The following NRXN3 variants were observed in gnomAD, a reference collection of about 807,000 sequenced individuals.
NRXN3 encodes the protein neurexin 3, also known as neurexin III.
A neutral mutation model predicts 137.6 loss-of-function variants in NRXN3; 32 were observed. The observed-to-expected ratio is 0.23, with a 90% CI of 0.18 to 0.31. NRXN3 has a LOEUF of 0.31. Ranked by LOEUF, NRXN3 falls within the 10% of genes least tolerant of loss-of-function variation. The pLI, the probability that NRXN3 is intolerant of heterozygous loss-of-function variation, is 1.00. For missense variants in NRXN3, 1,574 were observed against 2,062.5 expected, an observed-to-expected ratio of 0.76 and a Z score of 4.59; for synonymous variants, 798 against 784.5, an observed-to-expected ratio of 1.02 and a Z score of -0.29.
chr14:78,957,532 A>G (rs1424668085), intron 11 of NRXN3, among the ~76,000 whole-genome samples, 171 bp downstream of exon 11: 2 of 152,206 alleles, frequency 1.3e-5, no homozygotes, highest in Admixed American at 1.3e-4. Context: ...TGTATTTTAC[A>G]ATACCTTTTC....
In NRXN3 at chr14:79,795,093, C is replaced by T. The variant is rs1425957209; in HGVS notation, c.4015-10019C>T. ...ATTACACCTGCTACATTTCCAACAC[C>T]CATTTTGACAGCAAATGAGTGTTGC... On this transcript the variant is annotated intron_variant, in intron 19 of 20. Coordinates refer to ENST00000335750, the MANE Select transcript of NRXN3 (RefSeq NM_001330195.2). Among the ~76,000 whole-genome samples, 4 of 152,250 alleles carry T rather than the reference C, an allele frequency of 2.6e-5. No homozygotes were observed. The East Asian group carries it at 7.7e-4, about 29-fold the overall frequency.
chr14:79,393,953 A>C (rs2094937091), intron 15 of NRXN3, among the ~76,000 whole-genome samples: 1 of 152,244 alleles, frequency 6.6e-6, no homozygotes, highest in Non-Finnish European at 1.5e-5. Flanking sequence ...ATTTTTGTTT[A>C]ATTATCACTA....
intron 4 of NRXN3, among the ~76,000 whole-genome samples, chr14:78,440,726 TG>T (rs904229155): frequency 5.3e-5 from 8 of 151,484 alleles, no homozygotes; most frequent in African/African-American, 1.9e-4. Flanking sequence ...AGCTGTGCTA[TG>T]GGGGAGGAGA....
At chr14:78,548,269 A>G (rs986097874) in intron 4 of NRXN3, among the ~76,000 whole-genome samples, 11 of 151,892 alleles carry the variant, frequency 7.2e-5, no homozygotes, top group African/African-American at 2.4e-4. Context: ...GGATATAAGT[A>G]TATAATATCA....
At chr14:79,078,651 T>C (rs1292895560) in intron 15 of NRXN3, among the ~76,000 whole-genome samples, 2 of 152,188 alleles carry the variant, frequency 1.3e-5, no homozygotes, top group African/African-American at 4.8e-5. Context: ...TTAATGTTTG[T>C]CCCTGCCATG....
At chr14:79,379,668 C>T (rs1488022175) in intron 15 of NRXN3, among the ~76,000 whole-genome samples, 1 of 152,076 alleles carries the variant, frequency 6.6e-6, no homozygotes, top group Non-Finnish European at 1.5e-5. Flanking sequence ...TCACCATTAA[C>T]CATTTTCTTT....
At position 78,973,307 on chromosome 14, in the gene NRXN3, A is replaced by G. The variant is rs77690832; in HGVS notation, c.3142+4961A>G. On this transcript the variant is annotated intron_variant, in intron 14 of 20. Coordinates refer to ENST00000335750, the MANE Select transcript of NRXN3 (RefSeq NM_001330195.2). ...AAAAAAGAACTTGGAAGGAAAAAAAAGGCCAAGGCCAGCCCTTATGCCTTA... is the reference window on the plus strand; with the variant it reads ...AAAAAAGAACTTGGAAGGAAAAAAAGGGCCAAGGCCAGCCCTTATGCCTTA... Among the ~76,000 whole-genome samples, 1,376 of 152,280 alleles carry G rather than the reference A, an allele frequency of 9.0e-3. 14 individuals carry two copies. The highest frequency in any genetic ancestry group is 0.015 in the Non-Finnish European group (991 of 68,014).
chr14:78,794,891 A>G (rs2098816621), intron 8 of NRXN3, among the ~76,000 whole-genome samples: 1 of 151,116 alleles, frequency 6.6e-6, no homozygotes, highest in Non-Finnish European at 1.5e-5. Flanking sequence ...CCTTGGCAAC[A>G]TGGCAAAACC....
chr14:78,217,993 G>T (rs928369998), intron 1 of NRXN3, among the ~76,000 whole-genome samples: 2 of 152,202 alleles, frequency 1.3e-5, no homozygotes, highest in Admixed American at 6.5e-5. Context: ...TATAAACAGT[G>T]TCATCACATA....
chr14:79,318,580 C>T (rs1461737376), intron 15 of NRXN3, among the ~76,000 whole-genome samples: 1 of 152,190 alleles, frequency 6.6e-6, no homozygotes, highest in African/African-American at 2.4e-5. Flanking sequence ...AGCCATTCTC[C>T]AGCTGTTGTC....
intron 15 of NRXN3, among the ~76,000 whole-genome samples, chr14:79,328,681 C>T (rs1358624252): frequency 1.3e-5 from 2 of 151,932 alleles, no homozygotes; most frequent in African/African-American, 4.8e-5. Context: ...TATATTATGC[C>T]ATGCCAGTCT....
chr14:79,003,639 T>C (rs1422960956), intron 15 of NRXN3, among the ~76,000 whole-genome samples: 1 of 152,176 alleles, frequency 6.6e-6, no homozygotes, highest in African/African-American at 2.4e-5. Context: ...ATGGGGTTTC[T>C]GGTTTATTAT....
chr14:79,198,272 A>G (rs1166018614), intron 15 of NRXN3, among the ~76,000 whole-genome samples: 1 of 152,242 alleles, frequency 6.6e-6, no homozygotes, highest in Non-Finnish European at 1.5e-5. Flanking sequence ...GACAGTATGT[A>G]ATGTAGATTT....
intron 19 of NRXN3, among the ~76,000 whole-genome samples, chr14:79,788,435 A>G (rs1343778328): frequency 6.6e-6 from 1 of 152,218 alleles, no homozygotes; most frequent in African/African-American, 2.4e-5. Context: ...TAGTAACCCT[A>G]CGGGTGATTT....
chr14:78,327,876 A>G (rs1429587566), intron 4 of NRXN3, among the ~76,000 whole-genome samples: 1 of 152,124 alleles, frequency 6.6e-6, no homozygotes, highest in Non-Finnish European at 1.5e-5. Context: ...TGGAGGTGCT[A>G]AAGGAGGATC....
At chr14:79,224,033 T>C (rs187045461) in intron 15 of NRXN3, among the ~76,000 whole-genome samples, 5 of 152,250 alleles carry the variant, frequency 3.3e-5, no homozygotes, top group Admixed American at 2.0e-4. Flanking sequence ...AAAGGATTCA[T>C]CAGCAATAGG....
chr14:78,367,472 C>T (rs2086139125), intron 4 of NRXN3, among the ~76,000 whole-genome samples: 1 of 152,220 alleles, frequency 6.6e-6, no homozygotes, highest in East Asian at 1.9e-4. Flanking sequence ...TTATTCTCAT[C>T]CTCCAGTAAT....
intron 14 of NRXN3, among the ~76,000 whole-genome samples, chr14:78,974,057 A>T (rs1315994795): frequency 1.3e-5 from 2 of 151,964 alleles, no homozygotes; most frequent in Non-Finnish European, 2.9e-5. Flanking sequence ...TTTAATATAT[A>T]TTTAAATTAA....
rs111647365 is a variant in NRXN3, at chr14:79,272,187, G to A, written c.3263-195034G>A. Among the ~76,000 whole-genome samples the A allele has an allele frequency of 5.6e-3, 834 of 149,334 alleles. 10 individuals carry two copies. Among genetic ancestry groups the A allele is most frequent in the African/African-American group, 0.018 (749 of 40,748 alleles). On this transcript the variant is annotated intron_variant, in intron 15 of 20. Transcript: ENST00000335750. ...TATTTGGGAAGCAGTGTATTTAAAT[G>A]GATTTGTGGCTGGTCTAATTTGGTT...
Sources: gnomAD v4.1 joint callset for allele counts (sites outside exome capture counted in the v4.1 genomes callset) on GRCh38, gnomAD v4.1.1 for gene constraint, MANE v1.5 for transcripts, NCBI Gene and HGNC (gene_info 2026-07-23, HGNC 2026-07-21) for gene names.